The following PLCH1 variants were observed in gnomAD, a reference collection of about 807,000 sequenced individuals.
PLCH1 encodes phospholipase C eta 1.
A neutral mutation model predicts 126.7 loss-of-function variants in PLCH1; 60 were observed. The ratio of observed to expected loss-of-function variants is 0.47; its 90% CI spans 0.38 to 0.59. PLCH1 has a LOEUF of 0.59. Among genes scored for constraint, PLCH1 ranks in the 20% least tolerant of loss-of-function variants. PLCH1 has a pLI of 0.00. For missense variants in PLCH1, 1,723 were observed against 2,040.0 expected, an observed-to-expected ratio of 0.84 and a Z score of 2.99; for synonymous variants, 719 against 734.9, an observed-to-expected ratio of 0.98 and a Z score of 0.35.
intron 11 of PLCH1, among the ~76,000 whole-genome samples, chr3:155,518,734 C>T (rs887070036): frequency 6.7e-6 from 1 of 149,676 alleles, no homozygotes; most frequent in Admixed American, 6.6e-5. Context: ...GCTGCGAGGA[C>T]AAAAAAAAAG....
chr3:155,475,236 A>T (rs1250275736), downstream of PLCH1, among the ~76,000 whole-genome samples: 1 of 152,098 alleles, frequency 6.6e-6, no homozygotes, highest in Non-Finnish European at 1.5e-5. Context: ...AAAGAAATTA[A>T]GAAGAAAATT....
In PLCH1 at chr3:155,612,737, C is replaced by A. The variant is rs542412609; in HGVS notation, c.80-16359G>T. Among the ~76,000 whole-genome samples the A allele has an allele frequency of 2.0e-5, 3 of 151,770 alleles. No homozygotes were observed. The South Asian group carries it at 6.2e-4, about 32-fold the overall frequency. Reference sequence around the variant, plus strand: ...ATCAGTGACTAACATGGAGCAAACCCGTCTCTACTAAAAATACAAAATTAG... The same window carrying A: ...ATCAGTGACTAACATGGAGCAAACCAGTCTCTACTAAAAATACAAAATTAG... On this transcript the variant is annotated intron_variant, in intron 2 of 22. Coordinates refer to ENST00000460012, the MANE Select transcript of PLCH1 (RefSeq NM_014996.4).
chr3:155,500,409 T>C (rs1249131244), intron 14 of PLCH1, among the ~76,000 whole-genome samples: 2 of 152,196 alleles, frequency 1.3e-5, no homozygotes, highest in Non-Finnish European at 2.9e-5. Flanking sequence ...TTCTTTAGTC[T>C]CTTGTGACGG....
chr3:155,672,898 T>C (rs897218763), intron 2 of PLCH1, among the ~76,000 whole-genome samples: 1 of 152,134 alleles, frequency 6.6e-6, no homozygotes, highest in Non-Finnish European at 1.5e-5. Context: ...ATAAAGACCA[T>C]TGTTTCCTCA....
intron 2 of PLCH1, among the ~76,000 whole-genome samples, chr3:155,641,317 A>AT (rs898479915): frequency 2.5e-4 from 38 of 149,764 alleles, no homozygotes; most frequent in Middle Eastern, 3.4e-3. Flanking sequence ...GTCTTTATAG[A>AT]TTTTTTTTTT....
At chr3:155,602,796 T>C (rs1006908854) in intron 2 of PLCH1, among the ~76,000 whole-genome samples, 8 of 152,158 alleles carry the variant, frequency 5.3e-5, no homozygotes, top group African/African-American at 1.7e-4. Flanking sequence ...GGCACATGAC[T>C]ATAAATATAT....
intron 2 of PLCH1, among the ~76,000 whole-genome samples, chr3:155,663,694 T>C (rs2108952034): frequency 6.6e-6 from 1 of 152,296 alleles, no homozygotes; most frequent in Non-Finnish European, 1.5e-5. Context: ...CACAGTATAA[T>C]GCAAGATGCA....
chr3:155,523,002 T>C (rs1161923038), intron 11 of PLCH1, among the ~76,000 whole-genome samples: 3 of 150,746 alleles, frequency 2.0e-5, no homozygotes, highest in African/African-American at 4.9e-5. Context: ...GGGGACGGAG[T>C]CTCGCTCTGT....
At chr3:155,473,466 G>T (rs981720522) in intron 21 of PLCH1, among the ~76,000 whole-genome samples, 12 of 151,660 alleles carry the variant, frequency 7.9e-5, no homozygotes, top group Non-Finnish European at 1.3e-4. Flanking sequence ...CTCATGGGTA[G>T]GAAGAATCAA....
chr3:155,521,717 A>T (rs1254225880), intron 11 of PLCH1, among the ~76,000 whole-genome samples: 1 of 152,238 alleles, frequency 6.6e-6, no homozygotes, highest in African/African-American at 2.4e-5. Flanking sequence ...TTACAAGATA[A>T]TACTTTGCCT....
chr3:155,482,692 T>C lies in PLCH1; in HGVS notation c.3334A>G (p.Lys1112Glu). 3 of 1,614,202 alleles carry C rather than the reference T, an allele frequency of 1.9e-6. No individual in the cohort carries two copies. Among genetic ancestry groups the C allele is most frequent in the Non-Finnish European group, 1.7e-6 (2 of 1,180,038 alleles). The change falls in exon 23 of 23, where the codon AAA (lysine) becomes GAA (glutamate). Residue 1112 changes from lysine (K) to glutamate (E), a missense_variant. By Grantham distance (56) the Lys-to-Glu change is moderately conservative. This residue lies in a region of PLCH1 where 947 missense variants were observed against 977.1 expected (regional missense o/e 0.97). Coordinates refer to ENST00000460012, the MANE Select transcript of PLCH1 (RefSeq NM_014996.4). Reference sequence around the variant, plus strand: ...AGGACGCTTCCTGACAAGATGCTTTTCCCTTCCACAAAGTCCTCAGGATTA... The same window carrying C: ...AGGACGCTTCCTGACAAGATGCTTTCCCCTTCCACAAAGTCCTCAGGATTA... Reference protein sequence around the residue: ...KGNPEDFVEGKSILSGSVLSH... With the variant: ...KGNPEDFVEGESILSGSVLSH...
chr3:155,468,056 T>C (rs1318558451), intron 21 of PLCH1, among the ~76,000 whole-genome samples: 1 of 152,180 alleles, frequency 6.6e-6, no homozygotes, highest in Non-Finnish European at 1.5e-5. Flanking sequence ...TTTCAAGACA[T>C]AGTCAGTACA....
At chr3:155,687,246 T>G (rs1745021973) in intron 2 of PLCH1, among the ~76,000 whole-genome samples, 1 of 152,160 alleles carries the variant, frequency 6.6e-6, no homozygotes, top group Non-Finnish European at 1.5e-5. Context: ...ACATCAAAAG[T>G]ATTTTAATTT....
At chr3:155,636,871 T>A (rs1253038470) in intron 2 of PLCH1, among the ~76,000 whole-genome samples, 2 of 152,004 alleles carry the variant, frequency 1.3e-5, no homozygotes, top group African/African-American at 2.4e-5. Context: ...TTGAAAAAAA[T>A]TAGAAAACTT....
chr3:155,535,778 C>T (rs1465478723), intron 10 of PLCH1, among the ~76,000 whole-genome samples: 1 of 152,158 alleles, frequency 6.6e-6, no homozygotes, highest in African/African-American at 2.4e-5. Flanking sequence ...AAATATGTAT[C>T]CAGGTGACCT....
intron 1 of PLCH1, among the ~76,000 whole-genome samples, chr3:155,725,600 C>T (rs532429073): frequency 4.7e-4 from 71 of 151,932 alleles, no homozygotes; most frequent in African/African-American, 1.3e-3. Context: ...GATGCATGCC[C>T]GGCTAATTTT....
Position 155,482,159 on chromosome 3 carries a change from T to C in PLCH1, c.3867A>G (p.Thr1289=), listed in dbSNP as rs1188975159. Residue 1289 remains threonine (T), a synonymous_variant, in exon 23 of 23, where the codon ACA becomes ACG. Coordinates refer to ENST00000460012, the MANE Select transcript of PLCH1 (RefSeq NM_014996.4). ...CAGGCAGGTTGCTTTCTAAGGCCGC[T>C]GTCTTGGCCTTACTAGAAAGGTCAT... ...PDDDLSSKAK[T]AALESNLPGS... The C allele has an allele frequency of 1.9e-6, 3 of 1,614,096 alleles. No individual in the cohort carries two copies. Among genetic ancestry groups the C allele is most frequent in the East Asian group, 2.2e-5 (1 of 44,900 alleles).
rs1289796990 is a variant in PLCH1 at position 155,488,943 on chromosome 3, CAAGG to C, written c.2393-141_2393-138del. 4 of 665,556 alleles carry C rather than the reference CAAGG, an allele frequency of 6.0e-6. No homozygotes were observed. In the African/African-American group the frequency reaches 7.4e-5, roughly 12 times the overall value. The allele number at this position is 665,556 out of a possible 1,614,324, so 41.2% of individuals were successfully genotyped here. On this transcript the variant is annotated intron_variant, in intron 19 of 22. Transcript: ENST00000460012. ...CTCATGAAGACAACTAAGCCACACT[CAAGG>C]ATGCCTTACTGGAATAAAGCCTCGA...
intron 2 of PLCH1, among the ~76,000 whole-genome samples, chr3:155,661,154 C>G (rs1303157663): frequency 2.0e-5 from 3 of 152,154 alleles, no homozygotes; most frequent in African/African-American, 4.8e-5. Flanking sequence ...GGCAAACAAT[C>G]AACTTTTTCA....
Sources: gnomAD v4.1 joint callset for allele counts (sites outside exome capture counted in the v4.1 genomes callset) on GRCh38, gnomAD v4.1.1 for gene constraint, gnomAD v4.1.1 regional missense constraint, MANE v1.5 for transcripts, NCBI Gene and HGNC (gene_info 2026-07-23, HGNC 2026-07-21) for gene names.